The following PRIM1 variants were observed in gnomAD, a reference collection of about 807,000 sequenced individuals.
The protein encoded by PRIM1 is DNA primase small subunit.
In PRIM1, 38 loss-of-function variants were observed where a neutral mutation model predicts 60.2. The ratio of observed to expected loss-of-function variants is 0.63; its 90% CI spans 0.49 to 0.83. The LOEUF is 0.83. Ranked by LOEUF, PRIM1 falls within the 40% of genes least tolerant of loss-of-function variation. The pLI is 0.00. For synonymous variants in PRIM1, 158 were observed against 160.2 expected, an observed-to-expected ratio of 0.99 and a Z score of 0.10; for missense variants, 388 against 506.2, an observed-to-expected ratio of 0.77 and a Z score of 2.24.
intron 11 of PRIM1, among the ~76,000 whole-genome samples, chr12:56,735,132 T>C (rs73337089): frequency 0.019 from 2,724 of 144,602 alleles, 86 homozygotes; most frequent in African/African-American, 0.066. Context: ...TTTTGAGTCT[T>C]GCTCTGTTGC....
chr12:56,735,999 A>G (rs1044781013), intron 11 of PRIM1, among the ~76,000 whole-genome samples: 1 of 151,950 alleles, frequency 6.6e-6, no homozygotes, highest in Non-Finnish European at 1.5e-5. Context: ...AATGTATACA[A>G]CAAAAAATTT....
At chr12:56,743,979 C>A (rs1565906318) in intron 6 of PRIM1, 86 bp downstream of exon 6, 1 of 878,936 alleles carries the variant, frequency 1.1e-6, no homozygotes, top group South Asian at 1.6e-5. Context: ...TGCTACCCAG[C>A]AGTGAAAATT....
intron 11 of PRIM1, 90 bp downstream of exon 11, chr12:56,738,344 G>C: frequency 6.8e-7 from 1 of 1,476,352 alleles, no homozygotes; most frequent in Non-Finnish European, 9.1e-7. Context: ...ATCCATTCTA[G>C]TTGAATCAGA....
chr12:56,739,315 G>T lies in PRIM1; in HGVS notation c.1031C>A (p.Pro344Gln). 6.3e-7 allele frequency: 1 copy of T among 1,577,028 alleles called. No individual in the cohort carries two copies. Among genetic ancestry groups the T allele is most frequent in the Non-Finnish European group, 8.7e-7 (1 of 1,155,710 alleles). ...ATACCTTATGGTCGGAACAGTAAAT[G>T]GATCAAACTGGTCCACTTTCTGCAA... The part of the protein sequence containing the change: ...IDLQKVDQFD[P>Q]FTVPTISFIC... The change falls in exon 10 of 13, where the codon CCA (proline) becomes CAA (glutamine). Residue 344 changes from proline (P) to glutamine (Q), a missense_variant. Physicochemically the swap from Pro to Gln is moderately conservative, Grantham distance 76 (BLOSUM62 -1). Around this residue, in one of 3 missense-constraint regions of PRIM1, gnomAD observed 211 missense variants for 277.9 expected, o/e 0.76. Coordinates refer to ENST00000338193, the MANE Select transcript of PRIM1 (RefSeq NM_000946.3).
chr12:56,749,419 A>C (rs578194350), intron 2 of PRIM1, among the ~76,000 whole-genome samples: 1 of 152,336 alleles, frequency 6.6e-6, no homozygotes, highest in South Asian at 2.1e-4. Context: ...AAAGGTCTAT[A>C]GATGCTTCTG....
At position 56,731,701 on chromosome 12, in the gene PRIM1, G is replaced by A; in HGVS notation, c.*14C>T. 1 of 1,512,054 alleles carries A rather than the reference G, an allele frequency of 6.6e-7. No homozygotes were observed. Among genetic ancestry groups the A allele is most frequent in the Non-Finnish European group, 9.0e-7 (1 of 1,114,596 alleles). The allele number at this position is 1,512,054 out of a possible 1,614,324, so 93.7% of individuals were successfully genotyped here. On this transcript the variant is annotated 3_prime_UTR_variant, in exon 13 of 13. Transcript: ENST00000338193. ...AGGCAGAAGATATCCACAATGGTTT[G>A]AGGAGCTCTGTCTTCAGAAATCTTT...
At chr12:56,739,051 A>T (rs770444924) in intron 10 of PRIM1, among the ~76,000 whole-genome samples, 3 of 152,192 alleles carry the variant, frequency 2.0e-5, no homozygotes, top group Non-Finnish European at 2.9e-5. Context: ...AGATACTTTT[A>T]ATCTGTTTAA....
chr12:56,747,158 A>G (rs2137867555), intron 2 of PRIM1, 126 bp from the exon 3 acceptor site: 1 of 688,076 alleles, frequency 1.5e-6, no homozygotes, highest in Non-Finnish European at 2.5e-6. Context: ...CAACTTTATG[A>G]CAGTGAAAGT....
chr12:56,739,374 C>T lies in PRIM1; in HGVS notation c.983-11G>A, dbSNP rs1458652840. 4 of 1,529,934 alleles carry T rather than the reference C, an allele frequency of 2.6e-6. No individual in the cohort carries two copies. The highest frequency in any genetic ancestry group is 2.7e-6 in the Non-Finnish European group (3 of 1,122,318). 94.8% of individuals were successfully genotyped at this position (1,529,934 alleles called of 1,614,324 possible). A position where few individuals can be genotyped will look rare whatever the true frequency, so the allele number is the denominator to read the frequency against. On this transcript the variant is annotated splice_polypyrimidine_tract_variant and intron_variant, in intron 9 of 12. Transcript: ENST00000338193. ...GCACAGATATGCGACCTGTAAGACA[C>T]AAAAGTTATAAACTGATGATTGTGG... is the stretch of plus-strand genomic sequence containing the variant.
intron 4 of PRIM1, 160 bp from the exon 5 acceptor site, chr12:56,746,341 T>A: frequency 3.1e-6 from 3 of 961,500 alleles, no homozygotes; most frequent in Non-Finnish European, 4.8e-6. Context: ...TTTAAAAAAC[T>A]ATTTTATTAG....
At chr12:56,748,170 GACA>G (rs1953921496) in intron 2 of PRIM1, among the ~76,000 whole-genome samples, 1 of 152,146 alleles carries the variant, frequency 6.6e-6, no homozygotes, top group Non-Finnish European at 1.5e-5. Context: ...CCTGGACTTG[GACA>G]ACAAGTACAA....
intron 8 of PRIM1, 79 bp from the exon 9 acceptor site, chr12:56,741,655 C>T: frequency 6.3e-7 from 1 of 1,576,448 alleles, no homozygotes; most frequent in Non-Finnish European, 8.6e-7. Flanking sequence ...AAAAAACGAT[C>T]TTCAACCATC....
intron 7 of PRIM1, 36 bp downstream of exon 7, chr12:56,742,951 A>C: frequency 7.0e-7 from 1 of 1,427,082 alleles, no homozygotes. Context: ...GATCAAAACA[A>C]CTAGCTCACA....
At chr12:56,741,648 A>G (rs1359419980) in intron 8 of PRIM1, 72 bp from the exon 9 acceptor site, 7 of 1,578,340 alleles carry the variant, frequency 4.4e-6, no homozygotes, top group Non-Finnish European at 6.0e-6. Flanking sequence ...AAAGTTAAAA[A>G]AACGATCTTC....
chr12:56,740,007 G>A (rs1193456570), intron 9 of PRIM1, among the ~76,000 whole-genome samples: 1 of 151,844 alleles, frequency 6.6e-6, no homozygotes, highest in African/African-American at 2.4e-5. Context: ...TGTGGTGGCG[G>A]GTACCTGTAA....
intron 1 of PRIM1, 180 bp downstream of exon 1, chr12:56,752,016 A>T (rs1953971297): frequency 1.4e-5 from 2 of 142,240 alleles, no homozygotes; most frequent in Non-Finnish European, 1.3e-5. Context: ...AGGCTGGCTT[A>T]TTATATCCTC....
intron 11 of PRIM1, among the ~76,000 whole-genome samples, chr12:56,735,655 GT>G (rs899261654): frequency 5.4e-4 from 77 of 142,602 alleles, no homozygotes; most frequent in Non-Finnish European, 4.5e-4. Context: ...GAGTATTCTT[GT>G]TTTTTTTTTT....
chr12:56,744,418 G>C (rs999721562), intron 5 of PRIM1, among the ~76,000 whole-genome samples: 12 of 151,842 alleles, frequency 7.9e-5, no homozygotes, highest in Non-Finnish European at 1.3e-4. Flanking sequence ...GCTTGAACTC[G>C]GGAGGCAGAG....
In PRIM1 at chr12:56,734,140, G is replaced by A. The variant is rs755054914; in HGVS notation, c.1243+7C>T. On this transcript the variant is annotated splice_region_variant and intron_variant, in intron 12 of 12. Coordinates refer to ENST00000338193, the MANE Select transcript of PRIM1 (RefSeq NM_000946.3). ...ACTAGATAGAAGGGAAAGGCATAGC[G>A]TCTTACCACTCTTCTTAAGAAGTTC... is the stretch of plus-strand genomic sequence containing the variant. 37 of 1,569,354 alleles carry A rather than the reference G, an allele frequency of 2.4e-5. No individual in the cohort carries two copies. The highest frequency in any genetic ancestry group is 1.9e-4 in the Admixed American group (11 of 58,044).
Sources: gnomAD v4.1 joint callset for allele counts (sites outside exome capture counted in the v4.1 genomes callset) on GRCh38, gnomAD v4.1.1 for gene constraint, gnomAD v4.1.1 regional missense constraint, MANE v1.5 for transcripts, NCBI Gene and HGNC (gene_info 2026-07-23, HGNC 2026-07-21) for gene names.